The following MAST4 variants were observed in gnomAD, a reference collection of about 807,000 sequenced individuals.
MAST4 encodes microtubule associated serine/threonine kinase family member 4, also known as microtubule-associated serine/threonine-protein kinase 4.
A neutral mutation model predicts 162.7 loss-of-function variants in MAST4; 89 were observed. That is an observed-to-expected ratio of 0.55 (90% CI 0.46 to 0.65). The LOEUF (loss-of-function observed/expected upper bound fraction) is 0.65, where lower values mean the gene tolerates loss of function less well. Among genes scored for constraint, MAST4 ranks in the 30% least tolerant of loss-of-function variants. MAST4 has a pLI of 0.00. For synonymous variants in MAST4, 1,479 were observed against 1,361.1 expected (o/e 1.09, Z -1.91); for missense variants, 3,153 against 3,374.0 (o/e 0.93, Z 1.62).
chr5:67,047,494 C>T (rs568014052), intron 4 of MAST4, among the ~76,000 whole-genome samples: 2 of 152,352 alleles, frequency 1.3e-5, no homozygotes, highest in Admixed American at 1.3e-4. Context: ...TTCCTGACCA[C>T]CTGTTTGAAA....
intron 5 of MAST4, among the ~76,000 whole-genome samples, chr5:67,074,457 AAAT>A (rs1761356677): frequency 6.6e-6 from 1 of 152,218 alleles, no homozygotes; most frequent in Non-Finnish European, 1.5e-5. Flanking sequence ...TAATTTAAGG[AAAT>A]AATCAGAAAA....
chr5:67,026,300 T>C (rs538086253), intron 4 of MAST4, among the ~76,000 whole-genome samples: 1 of 152,242 alleles, frequency 6.6e-6, no homozygotes, highest in Non-Finnish European at 1.5e-5. Context: ...AAGCCTCAAA[T>C]GCTTTTACAT....
chr5:67,107,890 G>A lies in MAST4; in HGVS notation c.1357-2208G>A, dbSNP rs996616574. Among the ~76,000 whole-genome samples, 4 of 152,198 alleles carry A rather than the reference G, an allele frequency of 2.6e-5. No homozygotes were observed. The South Asian group carries it at 8.3e-4, about 31-fold the overall frequency. ...CAAATCTAGGTCATGGTTATGTTTT[G>A]TAGTGGCCAACCCTTAAAATACAGA... On this transcript the variant is annotated intron_variant, in intron 10 of 28. Transcript: ENST00000403625.
At chr5:66,694,438 G>C (rs190574994) in intron 1 of MAST4, among the ~76,000 whole-genome samples, 6 of 152,044 alleles carry the variant, frequency 3.9e-5, no homozygotes, top group Admixed American at 1.3e-4. Flanking sequence ...TTAAAAATTT[G>C]CACTCCTCTA....
chr5:67,100,386 A>G (rs763523641), intron 7 of MAST4, 49 bp from the exon 8 acceptor site: 3 of 1,595,922 alleles, frequency 1.9e-6, no homozygotes, highest in Non-Finnish European at 2.6e-6. Flanking sequence ...GTTCATTTGA[A>G]GAGTTTCTTT....
At chr5:66,699,262 T>C (rs916553809) in intron 1 of MAST4, among the ~76,000 whole-genome samples, 3 of 152,238 alleles carry the variant, frequency 2.0e-5, no homozygotes, top group Admixed American at 6.5e-5. Context: ...CACCATCTTA[T>C]CATTTAATTC....
intron 4 of MAST4, among the ~76,000 whole-genome samples, chr5:66,935,616 C>G (rs1178560076): frequency 6.6e-6 from 1 of 152,042 alleles, no homozygotes; most frequent in Non-Finnish European, 1.5e-5. Context: ...ATTGTTCTAA[C>G]TGTGCTCCTC....
At chr5:67,107,620 C>T (rs1765741293) in intron 10 of MAST4, among the ~76,000 whole-genome samples, 1 of 152,220 alleles carries the variant, frequency 6.6e-6, no homozygotes, top group African/African-American at 2.4e-5. Flanking sequence ...CCCCAGGATG[C>T]AGTTGTCAGT....
At chr5:67,140,456 T>C (rs1333627093) in intron 19 of MAST4, among the ~76,000 whole-genome samples, 1 of 152,138 alleles carries the variant, frequency 6.6e-6, no homozygotes, top group Non-Finnish European at 1.5e-5. Context: ...GCCACGTGAG[T>C]TGGCTCTTAG....
At chr5:66,828,198 T>C (rs1395521650) in intron 3 of MAST4, among the ~76,000 whole-genome samples, 3 of 152,182 alleles carry the variant, frequency 2.0e-5, no homozygotes, top group Non-Finnish European at 4.4e-5. Flanking sequence ...TTTATGTAAA[T>C]GAATGGGCTT....
At chr5:66,757,958 T>C (rs147473726) in intron 1 of MAST4, among the ~76,000 whole-genome samples, 2 of 152,294 alleles carry the variant, frequency 1.3e-5, no homozygotes, top group African/African-American at 4.8e-5. Context: ...ATATGGAAAC[T>C]TCTCCTTGGA....
chr5:66,631,339 A>G (rs1418324469), intron 1 of MAST4, among the ~76,000 whole-genome samples: 2 of 152,222 alleles, frequency 1.3e-5, no homozygotes, highest in African/African-American at 2.4e-5. Flanking sequence ...GTTGCTATAC[A>G]TAAAGCAGGG....
At chr5:66,803,420 T>C (rs759506277) in intron 3 of MAST4, among the ~76,000 whole-genome samples, 1 of 152,190 alleles carries the variant, frequency 6.6e-6, no homozygotes, top group Non-Finnish European at 1.5e-5. Flanking sequence ...GTAAGCTGAT[T>C]GAGATTTTGA....
At chr5:67,154,721 ACT>A (rs1002033216) in intron 26 of MAST4, among the ~76,000 whole-genome samples, 2 of 152,204 alleles carry the variant, frequency 1.3e-5, no homozygotes, top group African/African-American at 4.8e-5. Context: ...GCCACGGTGT[ACT>A]CTGTCACAAA....
intron 3 of MAST4, among the ~76,000 whole-genome samples, chr5:66,891,228 C>T (rs1175018856): frequency 6.6e-6 from 1 of 152,052 alleles, no homozygotes; most frequent in Non-Finnish European, 1.5e-5. Flanking sequence ...TGAATGGTAC[C>T]CTGTCCTGAG....
At chr5:66,640,686 C>T (rs1028124921) in intron 1 of MAST4, among the ~76,000 whole-genome samples, 3 of 152,142 alleles carry the variant, frequency 2.0e-5, no homozygotes, top group African/African-American at 7.2e-5. Context: ...AATACTGCCA[C>T]GAACGTGGGA....
chr5:67,085,586 T>C (rs1763149440), intron 5 of MAST4, among the ~76,000 whole-genome samples: 1 of 152,176 alleles, frequency 6.6e-6, no homozygotes, highest in Non-Finnish European at 1.5e-5. Context: ...AAAGCCTTGA[T>C]TCATTGTGTA....
At chr5:66,621,175 G>C (rs1184273669) in intron 1 of MAST4, among the ~76,000 whole-genome samples, 2 of 152,138 alleles carry the variant, frequency 1.3e-5, no homozygotes, top group Non-Finnish European at 2.9e-5. Flanking sequence ...ATAGGTGGGA[G>C]CCTCAGTAGT....
At chr5:66,647,845 A>G (rs569420412) in intron 1 of MAST4, among the ~76,000 whole-genome samples, 3 of 152,296 alleles carry the variant, frequency 2.0e-5, no homozygotes, top group African/African-American at 7.2e-5. Context: ...CCTTAAACAT[A>G]GAGGAAAATA....
Sources: gnomAD v4.1 joint callset for allele counts (sites outside exome capture counted in the v4.1 genomes callset) on GRCh38, gnomAD v4.1.1 for gene constraint, MANE v1.5 for transcripts, NCBI Gene and HGNC (gene_info 2026-07-23, HGNC 2026-07-21) for gene names.